CSDE1: variants seen among roughly 807,000 people sequenced by gnomAD.
The protein encoded by CSDE1 is cold shock domain-containing protein E1.
In CSDE1, 17 loss-of-function variants were observed where a neutral mutation model predicts 89.3. The ratio of observed to expected loss-of-function variants is 0.19; its 90% CI spans 0.13 to 0.29. The LOEUF (loss-of-function observed/expected upper bound fraction) is 0.29, where lower values mean the gene tolerates loss of function less well. CSDE1 is among the 10% of genes least tolerant of loss of function. The probability of loss-of-function intolerance (pLI) is 1.00; values close to 1 mark genes in which losing one functional copy is unlikely to be tolerated. For missense variants in CSDE1, 672 were observed against 984.2 expected, an observed-to-expected ratio of 0.68 and a Z score of 4.24; for synonymous variants, 322 against 332.8, an observed-to-expected ratio of 0.97 and a Z score of 0.35.
chr1:114,739,668 T>A (rs1394074644), intron 3 of CSDE1, 24 bp downstream of exon 3: 9 of 1,579,646 alleles, frequency 5.7e-6, no homozygotes, highest in Non-Finnish European at 3.5e-6. Context: ...ATTACATTTT[T>A]ACAAAGGAGA....
At chr1:114,756,339 A>C (rs1661595547) in intron 1 of CSDE1, among the ~76,000 whole-genome samples, 1 of 152,240 alleles carries the variant, frequency 6.6e-6, no homozygotes, top group Non-Finnish European at 1.5e-5. Context: ...AACAAAAAGA[A>C]GGCCAAATAT....
At chr1:114,728,055 CCATAA>C (rs1659895026) in intron 12 of CSDE1, among the ~76,000 whole-genome samples, 1 of 152,162 alleles carries the variant, frequency 6.6e-6, no homozygotes, top group Non-Finnish European at 1.5e-5. Flanking sequence ...CACATTCCTT[CCATAA>C]CTGCTATATA....
intron 1 of CSDE1, among the ~76,000 whole-genome samples, chr1:114,757,353 C>T (rs1042906259): frequency 6.6e-6 from 1 of 152,160 alleles, no homozygotes; most frequent in Non-Finnish European, 1.5e-5. Flanking sequence ...AAGAAGGCGC[C>T]ACTGCCGCAC....
chr1:114,728,714 T>G (rs1199880013), intron 12 of CSDE1, among the ~76,000 whole-genome samples: 1 of 152,222 alleles, frequency 6.6e-6, no homozygotes, highest in Non-Finnish European at 1.5e-5. Context: ...GAAATTCCTA[T>G]TATGAGCTAG....
rs745483259 is a variant in CSDE1 at position 114,736,860 on chromosome 1, G to A, written c.403-5C>T. 3 of 1,595,488 alleles carry A rather than the reference G, an allele frequency of 1.9e-6. No homozygotes were observed. Among genetic ancestry groups the A allele is most frequent in the Non-Finnish European group, 2.6e-6 (3 of 1,164,878 alleles). On this transcript the variant is annotated splice_region_variant and splice_polypyrimidine_tract_variant and intron_variant, in intron 5 of 19. Transcript: ENST00000358528. ...GTAAGTCAGATAAAACACTTCCTGTGAATTAATAAATCATTATTACTATTT... is the reference window on the plus strand; with the variant it reads ...GTAAGTCAGATAAAACACTTCCTGTAAATTAATAAATCATTATTACTATTT...
At chr1:114,742,626 C>T (rs1309004701) in intron 2 of CSDE1, among the ~76,000 whole-genome samples, 1 of 152,012 alleles carries the variant, frequency 6.6e-6, no homozygotes, top group Non-Finnish European at 1.5e-5. Flanking sequence ...GAAAGATTCC[C>T]GCAGAAGAAC....
intron 2 of CSDE1, among the ~76,000 whole-genome samples, chr1:114,745,184 T>C (rs1660949757): frequency 6.6e-6 from 1 of 152,198 alleles, no homozygotes; most frequent in Non-Finnish European, 1.5e-5. Context: ...TAGCAACATG[T>C]ATCAAAATGT....
At chr1:114,745,469 G>T (rs1660965219) in intron 2 of CSDE1, among the ~76,000 whole-genome samples, 1 of 152,148 alleles carries the variant, frequency 6.6e-6, no homozygotes, top group South Asian at 2.1e-4. Flanking sequence ...TGTATTTAAA[G>T]ACCAGAAAAT....
chr1:114,727,354 T>C (rs1332763734), intron 12 of CSDE1, among the ~76,000 whole-genome samples: 1 of 152,124 alleles, frequency 6.6e-6, no homozygotes, highest in African/African-American at 2.4e-5. Flanking sequence ...TTACTGAAAA[T>C]GTTTAATACA....
intron 1 of CSDE1, among the ~76,000 whole-genome samples, chr1:114,757,484 G>A (rs1310722105): frequency 2.0e-5 from 3 of 151,904 alleles, no homozygotes; most frequent in Non-Finnish European, 4.4e-5. Flanking sequence ...ACAAAGGACC[G>A]CGCCACCACC....
intron 17 of CSDE1, 87 bp downstream of exon 17, chr1:114,720,452 G>T (rs1490776032): frequency 8.0e-7 from 1 of 1,256,732 alleles, no homozygotes; most frequent in Non-Finnish European, 1.1e-6. Flanking sequence ...GAATGTTGAT[G>T]ATTTCCCCTT....
chr1:114,754,467 C>T (rs75472789), intron 1 of CSDE1, among the ~76,000 whole-genome samples: 7,375 of 152,306 alleles, frequency 0.048, 221 homozygotes, highest in Middle Eastern at 0.075. Flanking sequence ...GTGCAGCACT[C>T]ACTTCGGGAA....
chr1:114,726,438 C>T (rs1659803954), intron 13 of CSDE1, 52 bp from the exon 14 acceptor site: 3 of 1,447,340 alleles, frequency 2.1e-6, no homozygotes, highest in Non-Finnish European at 2.8e-6. Context: ...ACACCAATCT[C>T]CTTAACTCAG....
intron 16 of CSDE1, among the ~76,000 whole-genome samples, chr1:114,722,818 ATTTAGAGGTGGGAGAAC>A (rs1659598811): frequency 6.6e-6 from 1 of 152,152 alleles, no homozygotes; most frequent in Non-Finnish European, 1.5e-5. Flanking sequence ...AAAAATTCAT[ATTTAGAGGTGGGAGAAC>A]AGTGGTTTTA....
At chr1:114,747,390 C>G (rs559547978) in intron 2 of CSDE1, among the ~76,000 whole-genome samples, 1 of 152,250 alleles carries the variant, frequency 6.6e-6, no homozygotes, top group Admixed American at 6.5e-5. Flanking sequence ...AATCTTCATC[C>G]CAATTGTGGT....
intron 2 of CSDE1, among the ~76,000 whole-genome samples, chr1:114,740,904 T>C (rs1660689661): frequency 2.0e-5 from 3 of 152,212 alleles, no homozygotes; most frequent in Admixed American, 2.0e-4. Flanking sequence ...ATGTTGGGCA[T>C]TATTAATAAA....
intron 1 of CSDE1, among the ~76,000 whole-genome samples, chr1:114,750,796 T>C (rs866833078): frequency 6.6e-6 from 1 of 152,140 alleles, no homozygotes; most frequent in Non-Finnish European, 1.5e-5. Context: ...AGAAAGAAAA[T>C]AGCTGAGTAT....
At chr1:114,722,172 T>G (rs1659563423) in intron 16 of CSDE1, among the ~76,000 whole-genome samples, 5 of 152,144 alleles carry the variant, frequency 3.3e-5, no homozygotes, top group Admixed American at 3.3e-4. Context: ...TGTGAGCCCC[T>G]ACTCTCGACC....
chr1:114,757,500 G>C (rs1158329407), intron 1 of CSDE1, among the ~76,000 whole-genome samples: 1 of 151,258 alleles, frequency 6.6e-6, no homozygotes, highest in Non-Finnish European at 1.5e-5. Flanking sequence ...CCACCCCCTC[G>C]CCCCGCCCGC....
Sources: gnomAD v4.1 joint callset for allele counts (sites outside exome capture counted in the v4.1 genomes callset) on GRCh38, gnomAD v4.1.1 for gene constraint, MANE v1.5 for transcripts, NCBI Gene and HGNC (gene_info 2026-07-23, HGNC 2026-07-21) for gene names.